Variants in SEMA5A observed in about 807,000 individuals in gnomAD.
SEMA5A encodes semaphorin-5A.
Under a neutral mutation model 135.5 loss-of-function variants are expected in SEMA5A, and 55 were observed. The ratio of observed to expected loss-of-function variants is 0.41; its 90% CI spans 0.33 to 0.51. SEMA5A has a LOEUF of 0.51. Ranked by LOEUF, SEMA5A falls within the 20% of genes least tolerant of loss-of-function variation. SEMA5A has a pLI of 0.37. For synonymous variants in SEMA5A, 580 were observed against 546.5 expected (o/e 1.06, Z -0.85); for missense variants, 1,290 against 1,419.9 (o/e 0.91, Z 1.47).
chr5:9,190,245 C>T, intron 11 of SEMA5A, 22 bp downstream of exon 11: 1 of 1,611,548 alleles, frequency 6.2e-7, no homozygotes. Flanking sequence ...GAAAACCCCT[C>T]AGAGGGGGCC....
chr5:9,529,138 C>A (rs1047906232), intron 1 of SEMA5A, among the ~76,000 whole-genome samples: 4 of 152,240 alleles, frequency 2.6e-5, no homozygotes, highest in Non-Finnish European at 4.4e-5. Context: ...AAAGCACAAC[C>A]AGCTGTCAGC....
At chr5:9,400,374 AAAAT>A (rs1373778483) in intron 2 of SEMA5A, among the ~76,000 whole-genome samples, 1 of 152,192 alleles carries the variant, frequency 6.6e-6, no homozygotes, top group Non-Finnish European at 1.5e-5. Flanking sequence ...ATAAAAATTA[AAAAT>A]AAATTCTTTT....
At chr5:9,412,490 C>T (rs1757134514) in intron 2 of SEMA5A, among the ~76,000 whole-genome samples, 4 of 103,014 alleles carry the variant, frequency 3.9e-5, no homozygotes, top group African/African-American at 7.4e-5. Context: ...TACTTCATTG[C>T]TTTTTTTTTT....
chr5:9,199,527 T>C (rs1745594062), intron 9 of SEMA5A, among the ~76,000 whole-genome samples: 1 of 152,200 alleles, frequency 6.6e-6, no homozygotes. Flanking sequence ...GTCTAGAACA[T>C]GACCTTGAGA....
chr5:9,257,885 C>T (rs2150506149), intron 5 of SEMA5A, among the ~76,000 whole-genome samples: 1 of 152,206 alleles, frequency 6.6e-6, no homozygotes, highest in Middle Eastern at 3.4e-3. Flanking sequence ...GCTCTGTACC[C>T]AGTAACTGAG....
Position 9,532,837 on chromosome 5 carries a change from G to A in SEMA5A, c.-175+12747C>T, listed in dbSNP as rs182145627. Reference sequence around the variant, plus strand: ...TGTAAACCAAAGAGAAGAGTGAGGGGAAAAATCTCAGCTGTTCTCCTTTAT... The same window carrying A: ...TGTAAACCAAAGAGAAGAGTGAGGGAAAAAATCTCAGCTGTTCTCCTTTAT... On this transcript the variant is annotated intron_variant, in intron 1 of 22. Coordinates refer to ENST00000382496, the MANE Select transcript of SEMA5A (RefSeq NM_003966.3). Among the ~76,000 whole-genome samples the A allele has an allele frequency of 2.5e-3, 376 of 152,226 alleles. 3 individuals are homozygous for A. Among genetic ancestry groups the A allele is most frequent in the African/African-American group, 8.7e-3 (362 of 41,540 alleles).
rs770838450 is a variant in SEMA5A, at chr5:9,337,762, A to G, written c.175T>C (p.Ser59Pro). 6.2e-7 allele frequency: 1 copy of G among 1,612,024 alleles called. No individual in the cohort carries two copies. The highest frequency in any genetic ancestry group is 8.5e-7 in the Non-Finnish European group (1 of 1,178,620). Residue 59 changes from serine (S) to proline (P), a missense_variant, in exon 4 of 23, where the codon TCG (serine) becomes CCG (proline). Ser to Pro is a moderately conservative substitution (Grantham distance 74). Transcript: ENST00000382496. ...TGTCCTGGGTCAAATGTTAACTGCG[A>G]GAAATCCACAGCATTCTTCGCTCTG... ...EFRAKNAVDF[S>P]QLTFDPGQKE... is the part of the protein sequence containing the mutation.
At chr5:9,070,586 GA>G (rs1367006967) in intron 16 of SEMA5A, among the ~76,000 whole-genome samples, 1 of 152,188 alleles carries the variant, frequency 6.6e-6, no homozygotes, top group African/African-American at 2.4e-5. Context: ...TGAAATGTAT[GA>G]GGGGCAAATG....
intron 1 of SEMA5A, among the ~76,000 whole-genome samples, chr5:9,454,412 C>A (rs1258909775): frequency 1.3e-5 from 2 of 152,194 alleles, no homozygotes; most frequent in African/African-American, 2.4e-5. Context: ...TTAACTTGAA[C>A]CTTCAAATAC....
chr5:9,083,586 TCATCCATC>T (rs60509063), intron 16 of SEMA5A, among the ~76,000 whole-genome samples: 7,707 of 44,940 alleles, frequency 0.17, 384 homozygotes, highest in East Asian at 0.3. Flanking sequence ...ATTCATCCAT[TCATCCATC>T]CATCCATCCA....
At chr5:9,448,839 C>T (rs149341315) in intron 1 of SEMA5A, among the ~76,000 whole-genome samples, 17 of 152,288 alleles carry the variant, frequency 1.1e-4, no homozygotes, top group African/African-American at 4.1e-4. Flanking sequence ...TTCTGTTTCT[C>T]CCATCACCCT....
intron 3 of SEMA5A, among the ~76,000 whole-genome samples, chr5:9,369,521 T>C (rs1188797067): frequency 6.6e-6 from 1 of 152,204 alleles, no homozygotes. Context: ...TTGTTGTATA[T>C]TGTGTGAAGC....
At chr5:9,145,008 A>G (rs1742256270) in intron 12 of SEMA5A, among the ~76,000 whole-genome samples, 1 of 151,140 alleles carries the variant, frequency 6.6e-6, no homozygotes, top group African/African-American at 2.4e-5. Context: ...CACATAAAAG[A>G]GCAGTCTGTC....
chr5:9,127,030 G>A (rs922740115), intron 13 of SEMA5A, among the ~76,000 whole-genome samples: 2 of 152,170 alleles, frequency 1.3e-5, no homozygotes, highest in Non-Finnish European at 1.5e-5. Flanking sequence ...CTCTGAATAC[G>A]AGGACAGGGA....
chr5:9,154,066 T>TATAC (rs1742800502), intron 12 of SEMA5A, among the ~76,000 whole-genome samples: 2 of 46,368 alleles, frequency 4.3e-5, no homozygotes, highest in African/African-American at 5.4e-5. Flanking sequence ...AAAAAAAATA[T>TATAC]ATATATATAT....
At chr5:9,404,319 C>T (rs192031340) in intron 2 of SEMA5A, among the ~76,000 whole-genome samples, 81 of 152,238 alleles carry the variant, frequency 5.3e-4, no homozygotes, top group Non-Finnish European at 9.4e-4. Flanking sequence ...TTTCCCAGAA[C>T]CATGGTGATA....
chr5:9,502,773 AG>A (rs1448385879), intron 1 of SEMA5A, among the ~76,000 whole-genome samples: 1 of 152,216 alleles, frequency 6.6e-6, no homozygotes, highest in East Asian at 1.9e-4. Flanking sequence ...CTGAGAAAAC[AG>A]GGGCCACTCT....
chr5:9,385,081 G>T (rs1024959402), intron 2 of SEMA5A, among the ~76,000 whole-genome samples: 1 of 152,158 alleles, frequency 6.6e-6, no homozygotes, highest in African/African-American at 2.4e-5. Flanking sequence ...AAGCCAATTT[G>T]GGAGACAACA....
intron 2 of SEMA5A, among the ~76,000 whole-genome samples, chr5:9,393,412 T>G (rs1756251096): frequency 6.6e-6 from 1 of 152,198 alleles, no homozygotes; most frequent in African/African-American, 2.4e-5. Flanking sequence ...TGATCCACCC[T>G]GCCTCCAATG....
Sources: gnomAD v4.1 joint callset for allele counts (sites outside exome capture counted in the v4.1 genomes callset) on GRCh38, gnomAD v4.1.1 for gene constraint, MANE v1.5 for transcripts, NCBI Gene and HGNC (gene_info 2026-07-23, HGNC 2026-07-21) for gene names.